FAM219A: variants seen among roughly 807,000 people sequenced by gnomAD.
FAM219A encodes the protein family with sequence similarity 219 member A, also known as protein FAM219A.
A neutral mutation model predicts 23.4 loss-of-function variants in FAM219A; 7 were observed. The observed-to-expected ratio is 0.30, with a 90% CI of 0.17 to 0.56. The LOEUF is 0.56. Among genes scored for constraint, FAM219A ranks in the 20% least tolerant of loss-of-function variants. FAM219A has a pLI of 0.92. For missense variants in FAM219A, 166 were observed against 246.9 expected (o/e 0.67, Z 2.20); for synonymous variants, 93 against 99.0 (o/e 0.94, Z 0.36).
At chr9:34,451,801 T>A (rs990713395) in intron 1 of FAM219A, among the ~76,000 whole-genome samples, 4 of 152,188 alleles carry the variant, frequency 2.6e-5, no homozygotes, top group Admixed American at 2.6e-4. Context: ...GCTCCTTTGG[T>A]ACACCTTGCC....
chr9:34,416,917 T>C (rs1193898214), intron 1 of FAM219A, among the ~76,000 whole-genome samples: 1 of 149,608 alleles, frequency 6.7e-6, no homozygotes, highest in African/African-American at 2.5e-5. Flanking sequence ...AGCCTTGAAC[T>C]CCTGGACTCA....
chr9:34,427,189 T>C (rs1822518347), intron 1 of FAM219A, among the ~76,000 whole-genome samples: 1 of 152,146 alleles, frequency 6.6e-6, no homozygotes. Flanking sequence ...CTTGTTTTTT[T>C]GAGACAGTGC....
At chr9:34,403,347 T>TA (rs1276122963) in intron 2 of FAM219A, among the ~76,000 whole-genome samples, 2 of 152,232 alleles carry the variant, frequency 1.3e-5, no homozygotes, top group Non-Finnish European at 2.9e-5. Flanking sequence ...GGTCCTGTGC[T>TA]AAGGGGCCGA....
At chr9:34,411,592 G>C (rs1821821623) in intron 1 of FAM219A, among the ~76,000 whole-genome samples, 1 of 151,296 alleles carries the variant, frequency 6.6e-6, no homozygotes, top group Non-Finnish European at 1.5e-5. Context: ...CAGGAGAATG[G>C]CTAGAACCCG....
At chr9:34,438,195 C>T (rs1464516840) in intron 1 of FAM219A, among the ~76,000 whole-genome samples, 1 of 152,252 alleles carries the variant, frequency 6.6e-6, no homozygotes, top group Admixed American at 6.5e-5. Context: ...GCCCGCCATG[C>T]TTGAGCCTCC....
chr9:34,424,176 G>C (rs374543974), intron 1 of FAM219A, among the ~76,000 whole-genome samples: 39 of 152,188 alleles, frequency 2.6e-4, no homozygotes, highest in African/African-American at 9.2e-4. Context: ...GTCCTAGAGG[G>C]GCTCTTGTAT....
At chr9:34,410,505 T>A (rs1398685423) in intron 1 of FAM219A, among the ~76,000 whole-genome samples, 1 of 152,166 alleles carries the variant, frequency 6.6e-6, no homozygotes, top group Non-Finnish European at 1.5e-5. Flanking sequence ...GGACTCTAGG[T>A]GGCAAAAAAT....
chr9:34,441,596 G>A (rs954879477), intron 1 of FAM219A, among the ~76,000 whole-genome samples: 1 of 152,150 alleles, frequency 6.6e-6, no homozygotes, highest in East Asian at 1.9e-4. Context: ...TGATACCTGT[G>A]GGGGTATGAA....
At chr9:34,427,097 A>T (rs1822514394) in intron 1 of FAM219A, among the ~76,000 whole-genome samples, 1 of 152,134 alleles carries the variant, frequency 6.6e-6, no homozygotes, top group Non-Finnish European at 1.5e-5. Context: ...CTGATGGGGT[A>T]TCAATATCCT....
At chr9:34,415,073 CCT>C in intron 1 of FAM219A, among the ~76,000 whole-genome samples, 1 of 152,206 alleles carries the variant, frequency 6.6e-6, no homozygotes, top group Non-Finnish European at 1.5e-5. Context: ...GCCTTAGCCC[CCT>C]GAGTAACTAG....
chr9:34,430,910 CT>C (rs1822675410), intron 1 of FAM219A, among the ~76,000 whole-genome samples: 1 of 151,924 alleles, frequency 6.6e-6, no homozygotes, highest in South Asian at 2.1e-4. Context: ...GCATCCAGGC[CT>C]TTCAGACCCG....
chr9:34,398,685 C>G lies in FAM219A; in HGVS notation c.*2279G>C, dbSNP rs1821309255. On this transcript the variant is annotated 3_prime_UTR_variant, in exon 6 of 6. Coordinates refer to ENST00000651358, the MANE Select transcript of FAM219A (RefSeq NM_001184940.2). Reference sequence around the variant, plus strand: ...AGCAAAGGCAGCAGTCTAAATGAGCCCCCAAAAAGAGGAGGTACCCATGTT... The same window carrying G: ...AGCAAAGGCAGCAGTCTAAATGAGCGCCCAAAAAGAGGAGGTACCCATGTT... 3.1e-6 allele frequency: 1 copy of G among 323,342 alleles called. No homozygotes were observed. Among genetic ancestry groups the G allele is most frequent in the Non-Finnish European group, 5.8e-6 (1 of 171,880 alleles). 20.0% of individuals were successfully genotyped at this position (323,342 alleles called of 1,614,324 possible). A position where few individuals can be genotyped will look rare whatever the true frequency, so the allele number is the denominator to read the frequency against.
At position 34,402,722 on chromosome 9, in the gene FAM219A, A is replaced by G; in HGVS notation, c.246T>C (p.Asn82=). Residue 82 remains asparagine, a synonymous_variant, in exon 3 of 6, where the codon AAT becomes AAC. Coordinates refer to ENST00000651358, the MANE Select transcript of FAM219A (RefSeq NM_001184940.2). ...SPVNQQPKKN[N]VMARTRLVVP... ...GCCTCTACCTTGTTCGGGCCATGAC[A>G]TTGTTCTTCTTGGGTTGCTGGTTGA... is the stretch of plus-strand genomic sequence containing the variant. The G allele has an allele frequency of 6.2e-7, 1 of 1,614,036 alleles. No individual in the cohort carries two copies. Among genetic ancestry groups the G allele is most frequent in the South Asian group, 1.1e-5 (1 of 91,074 alleles).
At position 34,401,036 on chromosome 9, in the gene FAM219A, G is replaced by A. The variant is rs757021291; in HGVS notation, c.486C>T (p.Ile162=). 11 of 1,607,808 alleles carry A rather than the reference G, an allele frequency of 6.8e-6. No homozygotes were observed. The Admixed American group carries it at 1.0e-4, about 15-fold the overall frequency. ...ACGTGGGGTTCACGGACTTGGGGGG[G>A]ATGAGGTCTAGGTCCTCGTCGTCGG... is the stretch of plus-strand genomic sequence containing the variant. ...EIPDDEDLDL[I]PPKSVNPTCM... is the part of the protein sequence containing the mutation. The change falls in exon 6 of 6, where the codon ATC becomes ATT. Residue 162 remains isoleucine (I), a synonymous_variant. Coordinates refer to ENST00000651358, the MANE Select transcript of FAM219A (RefSeq NM_001184940.2).
intron 1 of FAM219A, chr9:34,406,286 A>G (rs1250378576): frequency 1.6e-5 from 16 of 985,124 alleles, no homozygotes; most frequent in Non-Finnish European, 1.9e-5. Flanking sequence ...CCTAACTCCC[A>G]TACTAGTAGC....
At chr9:34,453,912 T>G (rs1363650034) in intron 1 of FAM219A, among the ~76,000 whole-genome samples, 1 of 152,166 alleles carries the variant, frequency 6.6e-6, no homozygotes, top group East Asian at 1.9e-4. Context: ...ATACAAACAA[T>G]ATACCGAACT....
intron 1 of FAM219A, among the ~76,000 whole-genome samples, chr9:34,437,179 A>ACTCT (rs149294812): frequency 6.6e-6 from 1 of 151,304 alleles, no homozygotes; most frequent in African/African-American, 2.4e-5. Context: ...GACAAACACT[A>ACTCT]CTCTCTCTCT....
intron 1 of FAM219A, among the ~76,000 whole-genome samples, chr9:34,445,964 C>T (rs1031670002): frequency 1.3e-5 from 2 of 152,158 alleles, no homozygotes; most frequent in Non-Finnish European, 2.9e-5. Flanking sequence ...CACTTGAAGT[C>T]AGGAGTTTAA....
intron 1 of FAM219A, among the ~76,000 whole-genome samples, chr9:34,439,914 T>C (rs1823102985): frequency 6.6e-6 from 1 of 152,180 alleles, no homozygotes; most frequent in African/African-American, 2.4e-5. Flanking sequence ...TGATGACACT[T>C]TCCTCTGATG....
Sources: allele counts gnomAD v4.1 joint callset (sites outside exome capture counted in the v4.1 genomes callset), GRCh38; gene constraint gnomAD v4.1.1; transcripts MANE v1.5; gene names NCBI Gene and HGNC (gene_info 2026-07-23, HGNC 2026-07-21).